The following NOL4 variants were observed in gnomAD, a reference collection of about 807,000 sequenced individuals.
NOL4 encodes cancer/testis antigen 125.
NOL4 carries 17 observed loss-of-function variants against 75.9 expected under a neutral mutation model. That is an observed-to-expected ratio of 0.22 (90% CI 0.15 to 0.34). The LOEUF is 0.34. NOL4 is among the 10% of genes least tolerant of loss of function. The pLI is 1.00. For synonymous variants in NOL4, 292 were observed against 289.9 expected, an observed-to-expected ratio of 1.01 and a Z score of -0.07; for missense variants, 614 against 793.5, an observed-to-expected ratio of 0.77 and a Z score of 2.72.
chr18:34,039,326 C>G (rs1279502320), intron 5 of NOL4, among the ~76,000 whole-genome samples: 1 of 151,882 alleles, frequency 6.6e-6, no homozygotes, highest in Non-Finnish European at 1.5e-5. Flanking sequence ...ACTACTTTTG[C>G]TCATAGGTCT....
At chr18:34,070,974 A>G (rs1600480029) in intron 5 of NOL4, among the ~76,000 whole-genome samples, 3 of 152,302 alleles carry the variant, frequency 2.0e-5, no homozygotes, top group Admixed American at 2.0e-4. Context: ...TTAAAATAAA[A>G]TGGTGTGGTC....
At chr18:33,888,927 A>G (rs944085598) in intron 9 of NOL4, among the ~76,000 whole-genome samples, 2 of 151,924 alleles carry the variant, frequency 1.3e-5, no homozygotes, top group African/African-American at 4.8e-5. Flanking sequence ...GGAAAGATCT[A>G]AAATCGACAT....
At chr18:33,968,831 A>T (rs1448848121) in intron 6 of NOL4, among the ~76,000 whole-genome samples, 2 of 152,144 alleles carry the variant, frequency 1.3e-5, no homozygotes, top group Non-Finnish European at 1.5e-5. Context: ...AAAATAAATG[A>T]CATTTTCCCA....
At chr18:33,942,114 C>T (rs1217473780) in intron 9 of NOL4, among the ~76,000 whole-genome samples, 2 of 151,844 alleles carry the variant, frequency 1.3e-5, no homozygotes, top group African/African-American at 4.8e-5. Flanking sequence ...TATTCTAAGC[C>T]TGAAATGAAA....
At chr18:33,892,692 C>A (rs2065165379) in intron 9 of NOL4, among the ~76,000 whole-genome samples, 2 of 151,756 alleles carry the variant, frequency 1.3e-5, no homozygotes, top group South Asian at 4.2e-4. Context: ...GGGTCTTGCT[C>A]TGTCACCCAG....
At chr18:34,081,340 T>C (rs2078002454) in intron 5 of NOL4, among the ~76,000 whole-genome samples, 1 of 152,182 alleles carries the variant, frequency 6.6e-6, no homozygotes, top group Non-Finnish European at 1.5e-5. Flanking sequence ...ATAAGTCTAC[T>C]TAACTATAAT....
At chr18:34,109,002 G>A (rs2145723999) in intron 2 of NOL4, among the ~76,000 whole-genome samples, 1 of 152,200 alleles carries the variant, frequency 6.6e-6, no homozygotes, top group African/African-American at 2.4e-5. Context: ...AATCTTTAGA[G>A]CACACTGGTA....
intron 6 of NOL4, among the ~76,000 whole-genome samples, chr18:33,986,256 T>C (rs905430777): frequency 4.6e-5 from 7 of 152,130 alleles, no homozygotes; most frequent in Middle Eastern, 3.2e-3. Flanking sequence ...TATTGATCTA[T>C]TACTTTTTGG....
chr18:34,047,726 T>C (rs943060366), intron 5 of NOL4, among the ~76,000 whole-genome samples: 11 of 152,032 alleles, frequency 7.2e-5, no homozygotes, highest in African/African-American at 1.7e-4. Context: ...TTCATAAGAA[T>C]TGGGGAAGGA....
chr18:34,105,747 T>C (rs2079242945), intron 2 of NOL4, among the ~76,000 whole-genome samples: 1 of 152,042 alleles, frequency 6.6e-6, no homozygotes, highest in South Asian at 2.1e-4. Flanking sequence ...ACCTATTTCA[T>C]TCATTTTATG....
intron 4 of NOL4, among the ~76,000 whole-genome samples, chr18:34,103,007 A>G (rs966189617): frequency 6.6e-6 from 1 of 152,016 alleles, no homozygotes; most frequent in African/African-American, 2.4e-5. Context: ...AAACAATTTT[A>G]TAAATATAGC....
At chr18:33,853,461 C>T (rs1055474188) in intron 10 of NOL4, among the ~76,000 whole-genome samples, 15 of 152,034 alleles carry the variant, frequency 9.9e-5, no homozygotes, top group Non-Finnish European at 1.5e-5. Flanking sequence ...TTTAAAAAAA[C>T]TGTGATGCTA....
chr18:34,042,965 C>T lies in NOL4; in HGVS notation c.773-23364G>A, dbSNP rs73957405. Among the ~76,000 whole-genome samples, 565 of 152,144 alleles carry T rather than the reference C, an allele frequency of 3.7e-3. 1 individual carries two copies. Among genetic ancestry groups the T allele is most frequent in the African/African-American group, 0.013 (536 of 41,530 alleles). ...TCATTCACAACCTGTGTGGTTTGGA[C>T]GTAATCTCTCTGAGCCTTAGTTTCC... On this transcript the variant is annotated intron_variant, in intron 5 of 10. Transcript: ENST00000261592.
chr18:34,004,077 G>A (rs1345388637), intron 6 of NOL4, among the ~76,000 whole-genome samples: 1 of 151,988 alleles, frequency 6.6e-6, no homozygotes, highest in East Asian at 1.9e-4. Flanking sequence ...TCTTAACTCA[G>A]ACACTACTTT....
At chr18:34,108,693 A>G (rs1600618617) in intron 2 of NOL4, among the ~76,000 whole-genome samples, 1 of 152,234 alleles carries the variant, frequency 6.6e-6, no homozygotes, top group East Asian at 1.9e-4. Context: ...CTAAATATAT[A>G]AAGCCAATGT....
intron 1 of NOL4, among the ~76,000 whole-genome samples, chr18:34,217,552 G>A (rs1013157141): frequency 7.2e-5 from 11 of 152,078 alleles, no homozygotes; most frequent in Non-Finnish European, 1.6e-4. Flanking sequence ...CTCCCAGAAT[G>A]CTAGGATTAC....
At chr18:34,075,356 T>C (rs376228605) in intron 5 of NOL4, among the ~76,000 whole-genome samples, 1 of 152,172 alleles carries the variant, frequency 6.6e-6, no homozygotes, top group Non-Finnish European at 1.5e-5. Flanking sequence ...TTTGTGGGTG[T>C]GTGTGAGAGA....
intron 9 of NOL4, among the ~76,000 whole-genome samples, chr18:33,885,074 T>C (rs1468475911): frequency 6.6e-6 from 1 of 151,672 alleles, no homozygotes; most frequent in East Asian, 1.9e-4. Flanking sequence ...GAAGTAAAAA[T>C]AAGAAAAAAA....
At chr18:33,973,152 TTTTG>T (rs1432664363) in intron 6 of NOL4, among the ~76,000 whole-genome samples, 2 of 152,206 alleles carry the variant, frequency 1.3e-5, no homozygotes, top group Admixed American at 6.5e-5. Flanking sequence ...TTCTAAATCT[TTTTG>T]TTTGTTTATT....
Sources: allele counts gnomAD v4.1 joint callset (sites outside exome capture counted in the v4.1 genomes callset), GRCh38; gene constraint gnomAD v4.1.1; transcripts MANE v1.5; gene names NCBI Gene and HGNC (gene_info 2026-07-23, HGNC 2026-07-21).